PPP1R3A: variants seen among roughly 807,000 people sequenced by gnomAD.
PPP1R3A encodes RG1.
PPP1R3A carries 29 observed loss-of-function variants against 41.7 expected under a neutral mutation model. The ratio of observed to expected loss-of-function variants is 0.70; its 90% confidence interval spans 0.52 to 0.95. PPP1R3A has a LOEUF of 0.95. Among genes scored for constraint, PPP1R3A ranks in the 40% least tolerant of loss-of-function variants. The pLI, the probability that PPP1R3A is intolerant of heterozygous loss-of-function variation, is 0.00. For missense variants in PPP1R3A, 1,352 were observed against 1,292.4 expected (o/e 1.05, Z -0.71); for synonymous variants, 485 against 453.4 (o/e 1.07, Z -0.89).
At chr7:113,881,326 A>G (rs1445798462) in intron 3 of PPP1R3A, among the ~76,000 whole-genome samples, 1 of 152,068 alleles carries the variant, frequency 6.6e-6, no homozygotes, top group African/African-American at 2.4e-5. Flanking sequence ...ATGTATTCCA[A>G]TGATATGAGC....
At chr7:113,901,270 C>T (rs149921152) in intron 1 of PPP1R3A, among the ~76,000 whole-genome samples, 18 of 151,710 alleles carry the variant, frequency 1.2e-4, no homozygotes, top group East Asian at 9.8e-4. Context: ...TGAAAATAGA[C>T]GGCGAAGGTC....
At position 113,879,732 on chromosome 7, in the gene PPP1R3A, G is replaced by C. The variant is rs372819857; in HGVS notation, c.1360C>G (p.Pro454Ala). The change falls in exon 4 of 4, where the codon CCT becomes GCT. Residue 454 changes from proline to alanine, a missense_variant. Coordinates refer to ENST00000284601, the MANE Select transcript of PPP1R3A (RefSeq NM_002711.4). ...ATTAGTTGATCTGAAGAGGGGCAAG[G>C]TATTTGCACTGTGCCATTGCCATGG... ...PAHGNGTVQI[P>A]CPSSDQLMAG... The C allele has an allele frequency of 1.2e-6, 2 of 1,613,148 alleles. No homozygotes were observed. The highest frequency in any genetic ancestry group is 2.7e-5 in the African/African-American group (2 of 74,826).
Position 113,918,791 on chromosome 7 carries a change from G to A in PPP1R3A, c.206C>T (p.Ser69Phe), listed in dbSNP as rs746925334. 3 of 1,613,808 alleles carry A rather than the reference G, an allele frequency of 1.9e-6. No individual in the cohort carries two copies. Among genetic ancestry groups the A allele is most frequent in the Non-Finnish European group, 2.5e-6 (3 of 1,179,818 alleles). The change falls in exon 1 of 4, where the codon TCC becomes TTC. Residue 69 changes from serine (S) to phenylalanine (F), a missense_variant. Transcript: ENST00000284601. ...SGTRRVSFAD[S>F]FGFNLVSVKE... ...AACAGACACAAGATTGAATCCAAAG[G>A]AATCAGCAAATGAAACTCTTCTAGT...
intron 1 of PPP1R3A, among the ~76,000 whole-genome samples, chr7:113,917,597 C>T (rs1043710830): frequency 6.6e-6 from 1 of 151,910 alleles, no homozygotes; most frequent in Non-Finnish European, 1.5e-5. Flanking sequence ...TAATGTTATT[C>T]TTGGTTATAA....
chr7:113,880,995 A>G (rs1796683761), intron 3 of PPP1R3A, among the ~76,000 whole-genome samples: 1 of 151,942 alleles, frequency 6.6e-6, no homozygotes, highest in Non-Finnish European at 1.5e-5. Flanking sequence ...TTCTAAACAA[A>G]CTTTTATATT....
intron 1 of PPP1R3A, among the ~76,000 whole-genome samples, chr7:113,889,246 C>T (rs1796838280): frequency 2.6e-5 from 4 of 151,988 alleles, no homozygotes; most frequent in Non-Finnish European, 5.9e-5. Context: ...AATTCCTGGC[C>T]CCAAACCCAG....
At chr7:113,901,589 T>C (rs908227285) in intron 1 of PPP1R3A, among the ~76,000 whole-genome samples, 1 of 151,808 alleles carries the variant, frequency 6.6e-6, no homozygotes, top group African/African-American at 2.4e-5. Context: ...ATAAAGAATG[T>C]GTTTTGCTTT....
At position 113,877,694 on chromosome 7, in the gene PPP1R3A, T is replaced by C; in HGVS notation, c.*29A>G. On this transcript the variant is annotated 3_prime_UTR_variant, in exon 4 of 4. Transcript: ENST00000284601. ...CAAATGTTTGGGGTTAAATAGCTTA[T>C]CTTTTAAGAGAGAATAGTAGTGCTG... The C allele has an allele frequency of 6.6e-7, 1 of 1,516,856 alleles. No individual in the cohort carries two copies. The highest frequency in any genetic ancestry group is 8.8e-7 in the Non-Finnish European group (1 of 1,134,816). 94.0% of individuals were successfully genotyped at this position (1,516,856 alleles called of 1,614,324 possible). A position where few individuals can be genotyped will look rare whatever the true frequency, so the allele number is the denominator to read the frequency against.
chr7:113,887,879 A>G (rs1027988721), intron 1 of PPP1R3A, among the ~76,000 whole-genome samples: 2 of 152,076 alleles, frequency 1.3e-5, no homozygotes, highest in Non-Finnish European at 2.9e-5. Flanking sequence ...AAAATACAAA[A>G]AATTAGCCGG....
intron 1 of PPP1R3A, among the ~76,000 whole-genome samples, chr7:113,914,941 T>C (rs1232201194): frequency 6.6e-6 from 1 of 152,098 alleles, no homozygotes; most frequent in Non-Finnish European, 1.5e-5. Flanking sequence ...TCTATGTACA[T>C]TTAATGTGAT....
At chr7:113,896,076 G>A (rs1488405144) in intron 1 of PPP1R3A, among the ~76,000 whole-genome samples, 2 of 150,578 alleles carry the variant, frequency 1.3e-5, no homozygotes, top group Non-Finnish European at 3.0e-5. Context: ...ACGCCTCCAG[G>A]GACTATCAGT....
At chr7:113,892,204 C>A (rs1796903288) in intron 1 of PPP1R3A, among the ~76,000 whole-genome samples, 1 of 151,988 alleles carries the variant, frequency 6.6e-6, no homozygotes, top group Non-Finnish European at 1.5e-5. Flanking sequence ...CTCCTTCTCT[C>A]CACAAAAGAA....
intron 1 of PPP1R3A, among the ~76,000 whole-genome samples, chr7:113,908,580 A>T (rs1797184850): frequency 6.6e-6 from 1 of 151,992 alleles, no homozygotes; most frequent in Admixed American, 6.6e-5. Flanking sequence ...TAGATACAAT[A>T]TTAACCTTTT....
chr7:113,918,909 C>A lies in PPP1R3A; in HGVS notation c.88G>T (p.Glu30Ter), dbSNP rs1408415772. The A allele has an allele frequency of 6.2e-7, 1 of 1,612,762 alleles. No individual in the cohort carries two copies. The highest frequency in any genetic ancestry group is 8.5e-7 in the Non-Finnish European group (1 of 1,179,186). ...NLSDSLCEDE[E>*]VTFQPGFSPQ... ...GAGAAACCAGGTTGGAAAGTAACTT[C>A]TTCATCTTCACAAAGAGAGTCAGAT... Residue 30 changes from glutamate (E) to a stop codon, truncating the protein, a stop_gained, in exon 1 of 4, where the codon GAA becomes TAA. Transcript: ENST00000284601. LOFTEE classifies it high-confidence loss of function.
At chr7:113,888,457 A>C (rs1796824825) in intron 1 of PPP1R3A, among the ~76,000 whole-genome samples, 1 of 152,194 alleles carries the variant, frequency 6.6e-6, no homozygotes, top group African/African-American at 2.4e-5. Context: ...TATGCTGTAC[A>C]TAGATTTTTT....
chr7:113,918,784 T>A lies in PPP1R3A; in HGVS notation c.213A>T (p.Gly71=). ...ATTCTTTAACAGACACAAGATTGAATCCAAAGGAATCAGCAAATGAAACTC... is the reference window on the plus strand; with the variant it reads ...ATTCTTTAACAGACACAAGATTGAAACCAAAGGAATCAGCAAATGAAACTC... ...TRRVSFADSF[G]FNLVSVKEFD... Residue 71 remains glycine, a synonymous_variant, in exon 1 of 4, where the codon GGA becomes GGT. Coordinates refer to ENST00000284601, the MANE Select transcript of PPP1R3A (RefSeq NM_002711.4). The A allele has an allele frequency of 6.2e-7, 1 of 1,613,866 alleles. No homozygotes were observed.
chr7:113,899,795 G>A (rs1797033934), intron 1 of PPP1R3A, among the ~76,000 whole-genome samples: 1 of 151,778 alleles, frequency 6.6e-6, no homozygotes. Context: ...GCTATGTGCA[G>A]CCAATTTTGA....
chr7:113,886,024 T>C (rs1405755593), intron 1 of PPP1R3A, among the ~76,000 whole-genome samples: 1 of 151,362 alleles, frequency 6.6e-6, no homozygotes, highest in African/African-American at 2.4e-5. Flanking sequence ...TCTGTTATAC[T>C]TTGGAACGGT....
chr7:113,885,205 G>A (rs149299748), intron 1 of PPP1R3A, among the ~76,000 whole-genome samples: 3 of 152,026 alleles, frequency 2.0e-5, no homozygotes, highest in East Asian at 3.9e-4. Context: ...CATGTGACAC[G>A]ACATCCTGCT....
Sources: allele counts gnomAD v4.1 joint callset (sites outside exome capture counted in the v4.1 genomes callset), GRCh38; gene constraint gnomAD v4.1.1; transcripts MANE v1.5; gene names NCBI Gene and HGNC (gene_info 2026-07-23, HGNC 2026-07-21).